MGST1: variants seen among roughly 807,000 people sequenced by gnomAD.
MGST1 encodes the protein glutathione S-transferase 12.
In MGST1, 5 loss-of-function variants were observed where a neutral mutation model predicts 8.9. The ratio of observed to expected loss-of-function variants is 0.56; its 90% CI spans 0.29 to 1.19. The LOEUF is 1.19. Among genes scored for constraint, MGST1 ranks in the 50% most tolerant of loss-of-function variants. The pLI, the probability that MGST1 is intolerant of heterozygous loss-of-function variation, is 0.08. For synonymous variants in MGST1, 54 were observed against 67.8 expected (o/e 0.80, Z 1.00); for missense variants, 182 against 187.4 (o/e 0.97, Z 0.17).
intron 4 of MGST1, among the ~76,000 whole-genome samples, chr12:16,574,165 T>A (rs1018781600): frequency 2.6e-5 from 4 of 151,926 alleles, no homozygotes; most frequent in Non-Finnish European, 5.9e-5. Context: ...CCAGAGTAAG[T>A]TAGAGGAAGA....
intron 3 of MGST1, chr12:16,360,335 G>A (rs925300857): frequency 8.1e-6 from 8 of 984,886 alleles, no homozygotes; most frequent in African/African-American, 3.5e-5. Flanking sequence ...ATATTTGAAC[G>A]GCAGAGCCAG....
downstream of MGST1, among the ~76,000 whole-genome samples, chr12:16,377,645 C>T (rs1354742984): frequency 2.6e-5 from 4 of 152,068 alleles, no homozygotes; most frequent in Non-Finnish European, 5.9e-5. Flanking sequence ...ATTTATAATC[C>T]TTTGGGTATA....
chr12:16,391,086 G>C (rs912904283), intron 1 of MGST1, among the ~76,000 whole-genome samples: 4 of 150,030 alleles, frequency 2.7e-5, no homozygotes, highest in South Asian at 4.2e-4. Flanking sequence ...TCATATGCTT[G>C]TTGGCCAGAT....
chr12:16,414,655 T>C (rs1410640194), intron 1 of MGST1, among the ~76,000 whole-genome samples: 1 of 152,050 alleles, frequency 6.6e-6, no homozygotes, highest in Non-Finnish European at 1.5e-5. Flanking sequence ...GACCTCGTGA[T>C]CCACCCACCT....
rs1007624906 is a variant in MGST1 at position 16,503,048 on chromosome 12, A to C, written n.483-86480A>C. ...GGAGTAGAATATGAATGACAAGTCA[A>C]ATACAATCTCTGAGGGTGGAAGATG... On this transcript the variant is annotated intron_variant and non_coding_transcript_variant, in intron 4 of 4. Transcript: ENST00000538857. The surrounding 1 kb of genome is among the most constrained non-coding windows in gnomAD (Gnocchi z 4.8). 6.6e-5 allele frequency among the ~76,000 whole-genome samples: 10 copies of C among 152,210 alleles called. No homozygotes were observed. Among genetic ancestry groups the C allele is most frequent in the African/African-American group, 2.4e-4 (10 of 41,450 alleles).
Position 16,540,711 on chromosome 12 carries a change from A to G in MGST1, n.483-48817A>G, listed in dbSNP as rs764737403. Among the ~76,000 whole-genome samples the G allele has an allele frequency of 9.2e-5, 14 of 152,174 alleles. 1 individual carries two copies. The highest frequency in any genetic ancestry group is 1.9e-4 in the Non-Finnish European group (13 of 68,014). ...TTTGGGAGGCTGAGGCAGGAGGATC[A>G]CTTGAGGCCAGGAGTTCCAGACCAG... On this transcript the variant is annotated intron_variant and non_coding_transcript_variant, in intron 4 of 4. Transcript: ENST00000538857.
Position 16,479,296 on chromosome 12 carries a change from G to A in MGST1, n.482+95692G>A, listed in dbSNP as rs1304886085. 7.3e-5 allele frequency among the ~76,000 whole-genome samples: 10 copies of A among 137,316 alleles called. 1 individual carries two copies. The highest frequency in any genetic ancestry group is 1.6e-4 in the Admixed American group (2 of 12,318). The allele number at this position is 137,316 out of a possible 152,430, so 90.1% of individuals were successfully genotyped here. ...GTCGCCCAGGCTGGAGTGTGGTGGC[G>A]CGATCTGGGCTCACTGCAAGCTCCG... On this transcript the variant is annotated intron_variant and non_coding_transcript_variant, in intron 4 of 4. Coordinates refer to the MGST1 transcript ENST00000538857.
chr12:16,547,377 T>A lies in MGST1; in HGVS notation n.483-42151T>A, dbSNP rs540986054. Among the ~76,000 whole-genome samples the A allele has an allele frequency of 7.9e-5, 12 of 152,282 alleles. No homozygotes were observed. Among genetic ancestry groups the A allele is most frequent in the Middle Eastern group, 3.4e-3 (1 of 294 alleles). Reference sequence around the variant, plus strand: ...TTCTTTTTTATCATGTGCTATTGAGTTAATGAGTAATTTGTGTGCGATAAT... The same window carrying A: ...TTCTTTTTTATCATGTGCTATTGAGATAATGAGTAATTTGTGTGCGATAAT... On this transcript the variant is annotated intron_variant and non_coding_transcript_variant, in intron 4 of 4. Transcript: ENST00000538857. This position sits in a 1 kb window ranked among gnomAD's most constrained non-coding sequence, Gnocchi z 4.6.
chr12:16,440,246 TACAC>T (rs55778046), downstream of MGST1, among the ~76,000 whole-genome samples: 7,511 of 148,904 alleles, frequency 0.05, 261 homozygotes, highest in South Asian at 0.094. Context: ...AATGTGTGTG[TACAC>T]ACACACACAC....
At position 16,500,785 on chromosome 12, in the gene MGST1, T is replaced by A. The variant is rs1171557547; in HGVS notation, n.483-88743T>A. ...CTATAGGGAGAAAAATCAGTGCATC[T>A]ATTTATCGTTCTTTTTGTTCAATGA... On this transcript the variant is annotated intron_variant and non_coding_transcript_variant, in intron 4 of 4. Coordinates refer to the MGST1 transcript ENST00000538857. The surrounding 1 kb of genome is among the most constrained non-coding windows in gnomAD (Gnocchi z 4.3). 1.3e-5 allele frequency among the ~76,000 whole-genome samples: 2 copies of A among 152,188 alleles called. No individual in the cohort carries two copies. Among genetic ancestry groups the A allele is most frequent in the Non-Finnish European group, 2.9e-5 (2 of 68,030 alleles).
In MGST1 at chr12:16,402,628, T is replaced by C. The variant is rs551018239; in HGVS notation, n.778+19024T>C. ...GTTATATAAGTGCAGTTGAGTTTTA[T>C]GTATCACTTTGTATTTAGAAAAGTT... On this transcript the variant is annotated intron_variant and non_coding_transcript_variant, in intron 1 of 1. Transcript: ENST00000359720. Among the ~76,000 whole-genome samples the C allele has an allele frequency of 6.6e-5, 10 of 152,322 alleles. No homozygotes were observed. The South Asian group carries it at 2.1e-3, about 32-fold the overall frequency.
chr12:16,422,328 C>T (rs1445354083), intron 1 of MGST1, among the ~76,000 whole-genome samples: 1 of 152,092 alleles, frequency 6.6e-6, no homozygotes. Context: ...AGATATACCG[C>T]ACAAATCCCT....
chr12:16,521,054 T>C (rs1941645607), intron 4 of MGST1, among the ~76,000 whole-genome samples: 1 of 152,050 alleles, frequency 6.6e-6, no homozygotes, highest in Non-Finnish European at 1.5e-5. Context: ...ACCCAATATA[T>C]CCTCCTCCCC....
intron 1 of MGST1, among the ~76,000 whole-genome samples, chr12:16,351,049 A>T (rs1939440133): frequency 1.3e-5 from 2 of 152,174 alleles, no homozygotes; most frequent in South Asian, 2.1e-4. Context: ...GGGGAAAAAA[A>T]AGTTCTCTGG....
At chr12:16,440,641 T>C (rs1467192035), downstream of MGST1, among the ~76,000 whole-genome samples, 1 of 151,882 alleles carries the variant, frequency 6.6e-6, no homozygotes, top group Non-Finnish European at 1.5e-5. Context: ...TATTTATCCA[T>C]TCTCTTCTTC....
chr12:16,407,058 G>C (rs1052169841), intron 1 of MGST1, among the ~76,000 whole-genome samples: 4 of 152,160 alleles, frequency 2.6e-5, no homozygotes, highest in Non-Finnish European at 5.9e-5. Flanking sequence ...AGATTGACAA[G>C]TTGTATCTAA....
At chr12:16,530,440 G>A (rs945628843) in intron 4 of MGST1, among the ~76,000 whole-genome samples, 1 of 151,982 alleles carries the variant, frequency 6.6e-6, no homozygotes, top group African/African-American at 2.4e-5. Flanking sequence ...AAAACTACAG[G>A]GAACTTGACA....
At chr12:16,490,719 G>A (rs1301546544) in intron 4 of MGST1, among the ~76,000 whole-genome samples, 2 of 152,104 alleles carry the variant, frequency 1.3e-5, no homozygotes, top group Non-Finnish European at 2.9e-5. Context: ...GCTTAGGAAG[G>A]TCATGTAAAG....
At chr12:16,450,075 A>G (rs1314289232) in intron 4 of MGST1, among the ~76,000 whole-genome samples, 2 of 151,972 alleles carry the variant, frequency 1.3e-5, no homozygotes, top group East Asian at 3.9e-4. Flanking sequence ...GACAGATGAG[A>G]ATAAGTTATA....
Sources: allele counts gnomAD v4.1 joint callset (sites outside exome capture counted in the v4.1 genomes callset), GRCh38; gene constraint gnomAD v4.1.1; non-coding constraint Gnocchi (gnomAD v3.1); transcripts MANE v1.5; gene names NCBI Gene and HGNC (gene_info 2026-07-23, HGNC 2026-07-21).